Variants in MAF observed in about 807,000 individuals in gnomAD.
MAF encodes the protein MAF bZIP transcription factor, also known as transcription factor Maf.
In MAF, 10 loss-of-function variants were observed where a neutral mutation model predicts 22.0. The ratio of observed to expected loss-of-function variants is 0.45; its 90% CI spans 0.28 to 0.77. The LOEUF is 0.77. Among genes scored for constraint, MAF ranks in the 30% least tolerant of loss-of-function variants. The probability of loss-of-function intolerance (pLI) is 0.12; values close to 1 mark genes in which losing one functional copy is unlikely to be tolerated. For synonymous variants in MAF, 337 were observed against 255.8 expected (o/e 1.32, Z -3.03); for missense variants, 544 against 548.4 (o/e 0.99, Z 0.08).
chr16:79,248,361 T>C, the MAF span, among the ~76,000 whole-genome samples: 8 of 152,214 alleles, frequency 5.3e-5, no homozygotes, highest in Admixed American at 2.6e-4. Context: ...ATTTCAGACA[T>C]CCGAAGCTCT....
the MAF span, among the ~76,000 whole-genome samples, chr16:79,552,125 C>T: frequency 6.6e-6 from 1 of 152,108 alleles, no homozygotes; most frequent in African/African-American, 2.4e-5. Flanking sequence ...TTCTGTGGCA[C>T]CCTTCTCTCA....
At chr16:79,212,151 C>G in the MAF span, 1 of 1,506,146 alleles carries the variant, frequency 6.6e-7, no homozygotes, top group Non-Finnish European at 8.8e-7. Context: ...CTCGTCCCAT[C>G]CAGCTACCAC....
At chr16:79,234,715 A>G in the MAF span, among the ~76,000 whole-genome samples, 2 of 152,182 alleles carry the variant, frequency 1.3e-5, no homozygotes, top group South Asian at 4.1e-4. Context: ...TCATCCAGGA[A>G]AGGGTTAGCT....
At chr16:79,552,499 T>G in the MAF span, among the ~76,000 whole-genome samples, 1 of 152,204 alleles carries the variant, frequency 6.6e-6, no homozygotes, top group Non-Finnish European at 1.5e-5. Flanking sequence ...ATAAGCCACC[T>G]GTTCTCCCTT....
the MAF span, among the ~76,000 whole-genome samples, chr16:79,547,883 T>C: frequency 1.4e-5 from 2 of 145,544 alleles, no homozygotes; most frequent in African/African-American, 5.1e-5. Context: ...TGTGTGTGCG[T>C]GTGTGTGTGT....
chr16:79,308,441 A>G, the MAF span, among the ~76,000 whole-genome samples: 1 of 152,060 alleles, frequency 6.6e-6, no homozygotes, highest in Admixed American at 6.5e-5. Context: ...AATAACCTCA[A>G]TGAGCCTCTG....
At chr16:79,401,375 C>A in the MAF span, among the ~76,000 whole-genome samples, 1 of 152,168 alleles carries the variant, frequency 6.6e-6, no homozygotes, top group African/African-American at 2.4e-5. Context: ...GAACGGTCAT[C>A]CACTGCCAAC....
chr16:79,460,185 C>T, the MAF span, among the ~76,000 whole-genome samples: 3 of 152,056 alleles, frequency 2.0e-5, no homozygotes, highest in East Asian at 5.8e-4. Context: ...GTTTATATGC[C>T]TTTTACCATG....
the MAF span, among the ~76,000 whole-genome samples, chr16:79,467,641 T>A: frequency 6.6e-6 from 1 of 152,088 alleles, no homozygotes; most frequent in Non-Finnish European, 1.5e-5. Context: ...ACTTGGGCCT[T>A]GATAGAAATG....
chr16:79,212,930 C>G, the MAF span: 7 of 152,086 alleles, frequency 4.6e-5, no homozygotes, highest in East Asian at 1.4e-3. Context: ...AGAAAAATGA[C>G]TATTGTTTCA....
chr16:79,574,913 G>C, the MAF span, among the ~76,000 whole-genome samples: 2 of 152,212 alleles, frequency 1.3e-5, no homozygotes, highest in African/African-American at 4.8e-5. Flanking sequence ...TAAAATATGG[G>C]AAATTCACCA....
the MAF span, chr16:79,203,045 G>A: frequency 1.3e-5 from 2 of 152,220 alleles, no homozygotes; most frequent in African/African-American, 2.4e-5. Context: ...CACTAACACC[G>A]AGGCAGAATT....
chr16:79,499,109 G>C, the MAF span, among the ~76,000 whole-genome samples: 4 of 152,344 alleles, frequency 2.6e-5, no homozygotes, highest in African/African-American at 9.6e-5. Context: ...CCTACTCGAA[G>C]CCAACTTGCA....
chr16:79,493,342 C>A, the MAF span, among the ~76,000 whole-genome samples: 1 of 152,070 alleles, frequency 6.6e-6, no homozygotes, highest in Non-Finnish European at 1.5e-5. Flanking sequence ...CCACCACGCC[C>A]AGCTAATTTT....
the MAF span, among the ~76,000 whole-genome samples, chr16:79,282,341 G>T: frequency 6.6e-6 from 1 of 152,290 alleles, no homozygotes; most frequent in East Asian, 1.9e-4. Context: ...TAGGAGGTTG[G>T]TGGATCAATT....
At chr16:79,485,381 T>C in the MAF span, among the ~76,000 whole-genome samples, 1 of 152,232 alleles carries the variant, frequency 6.6e-6, no homozygotes, top group African/African-American at 2.4e-5. Context: ...GTCACCCATT[T>C]GTTGTGATTT....
the MAF span, among the ~76,000 whole-genome samples, chr16:79,240,949 C>A: frequency 6.6e-6 from 1 of 151,934 alleles, no homozygotes; most frequent in Non-Finnish European, 1.5e-5. Flanking sequence ...CCTGGAGGGG[C>A]CTTACCGATA....
At chr16:79,558,254 G>A in the MAF span, among the ~76,000 whole-genome samples, 3 of 152,048 alleles carry the variant, frequency 2.0e-5, no homozygotes, top group African/African-American at 7.3e-5. Flanking sequence ...GCTATGCCAT[G>A]TTGAAAAAGT....
At chr16:79,211,298 TTC>T in the MAF span, among the ~76,000 whole-genome samples, 5 of 152,216 alleles carry the variant, frequency 3.3e-5, no homozygotes, top group East Asian at 5.8e-4. Context: ...TACCATCTTT[TTC>T]TCTGTGTGGA....
Sources: allele counts gnomAD v4.1 joint callset (sites outside exome capture counted in the v4.1 genomes callset), GRCh38; gene constraint gnomAD v4.1.1; transcripts MANE v1.5; gene names NCBI Gene and HGNC (gene_info 2026-07-23, HGNC 2026-07-21).